The following SLC12A9 variants were observed in gnomAD, a reference collection of about 807,000 sequenced individuals.
The protein encoded by SLC12A9 is CCC-interacting protein 1.
SLC12A9 carries 55 observed loss-of-function variants against 66.0 expected under a neutral mutation model. That is an observed-to-expected ratio of 0.83 (90% CI 0.67 to 1.04). SLC12A9 has a LOEUF of 1.04. SLC12A9 is among the 50% of genes least tolerant of loss of function. The pLI is 0.00. For synonymous variants in SLC12A9, 577 were observed against 569.0 expected (o/e 1.01, Z -0.20); for missense variants, 1,061 against 1,241.9 (o/e 0.85, Z 2.19).
chr7:100,851,190 C>A (rs1460865967), upstream of SLC12A9, among the ~76,000 whole-genome samples: 12 of 151,960 alleles, frequency 7.9e-5, no homozygotes, highest in Non-Finnish European at 1.2e-4. Flanking sequence ...TCAAAATAGT[C>A]CTGAATAAAG....
chr7:100,847,880 G>A (rs560409020), upstream of SLC12A9, among the ~76,000 whole-genome samples: 7 of 152,104 alleles, frequency 4.6e-5, no homozygotes, highest in Admixed American at 6.5e-5. Context: ...GAGGTCAGGA[G>A]TTCAAGACCA....
At chr7:100,843,000 T>C (rs1006036995) in intron 1 of SLC12A9, among the ~76,000 whole-genome samples, 3 of 152,256 alleles carry the variant, frequency 2.0e-5, no homozygotes, top group Non-Finnish European at 4.4e-5. Context: ...GGAGGAAACT[T>C]AGCATTCCTT....
intron 7 of SLC12A9, chr7:100,859,573 T>C: frequency 2.6e-6 from 1 of 391,438 alleles, no homozygotes. Flanking sequence ...TAGCCAGGTG[T>C]GATGGCAAAT....
At chr7:100,855,915 TC>T in intron 4 of SLC12A9, 78 bp downstream of exon 4, 1 of 1,507,114 alleles carries the variant, frequency 6.6e-7, no homozygotes, top group East Asian at 2.3e-5. Flanking sequence ...GAGAAGGTCC[TC>T]TCCAGCAGAG....
At chr7:100,860,543 G>T (rs926037397) in intron 9 of SLC12A9, 6 of 401,092 alleles carry the variant, frequency 1.5e-5, no homozygotes, top group African/African-American at 1.0e-4. Context: ...CTGGCACTTT[G>T]TGGGGTGCCC....
At chr7:100,829,951 C>T (rs1813510740) in intron 1 of SLC12A9, among the ~76,000 whole-genome samples, 2 of 151,952 alleles carry the variant, frequency 1.3e-5, no homozygotes, top group Admixed American at 1.3e-4. Context: ...TCGCTTGAAC[C>T]CGGGAGGCAG....
At chr7:100,827,586 C>G (rs1813449659) in intron 1 of SLC12A9, 1 of 152,430 alleles carries the variant, frequency 6.6e-6, no homozygotes, top group Non-Finnish European at 1.5e-5. Context: ...GCTCTCCCAA[C>G]GCGGGGGCTC....
At position 100,855,706 on chromosome 7, in the gene SLC12A9, T is replaced by G; in HGVS notation, c.317T>G (p.Phe106Cys). The change falls in exon 4 of 14, where the codon TTC (phenylalanine) becomes TGC (cysteine). Residue 106 changes from phenylalanine (F) to cysteine (C), a missense_variant and splice_region_variant. Physicochemically the swap from Phe to Cys is radical, Grantham distance 205. Transcript: ENST00000354161. Reference sequence around the variant, plus strand: ...TGCTCACCCCTGCTTCCACTTTCAGTCATGATCAGCCGCACACTGGGGCCC... The same window carrying G: ...TGCTCACCCCTGCTTCCACTTTCAGGCATGATCAGCCGCACACTGGGGCCC... Reference protein sequence around the residue: ...NGAVQGGGAYFMISRTLGPEV... With the variant: ...NGAVQGGGAYCMISRTLGPEV... 6.2e-7 allele frequency: 1 copy of G among 1,614,072 alleles called. No individual in the cohort carries two copies. The highest frequency in any genetic ancestry group is 8.5e-7 in the Non-Finnish European group (1 of 1,179,962).
At chr7:100,827,691 G>C (rs1317036017) in intron 1 of SLC12A9, among the ~76,000 whole-genome samples, 3 of 152,144 alleles carry the variant, frequency 2.0e-5, no homozygotes, top group Non-Finnish European at 4.4e-5. Context: ...AGGTCGGGAA[G>C]TTGAGAGAAA....
chr7:100,850,508 GGGATTACA>G (rs1485565264), upstream of SLC12A9, among the ~76,000 whole-genome samples: 2 of 151,750 alleles, frequency 1.3e-5, no homozygotes, highest in African/African-American at 4.8e-5. Context: ...CCAAAGTACT[GGGATTACA>G]GGTGCAAGCT....
intron 1 of SLC12A9, among the ~76,000 whole-genome samples, chr7:100,834,484 G>C (rs1813605688): frequency 6.6e-6 from 1 of 152,200 alleles, no homozygotes; most frequent in African/African-American, 2.4e-5. Context: ...GGAAACCAGT[G>C]CAGCATCCAA....
chr7:100,842,958 A>T (rs1049674874), intron 1 of SLC12A9, among the ~76,000 whole-genome samples: 1 of 152,244 alleles, frequency 6.6e-6, no homozygotes, highest in Non-Finnish European at 1.5e-5. Flanking sequence ...CCGTCTCCCA[A>T]CACTAAGTTC....
Position 100,860,247 on chromosome 7 carries a change from T to A in SLC12A9, c.1218+15T>A, listed in dbSNP as rs375971021. The A allele has an allele frequency of 1.0e-4, 168 of 1,611,864 alleles. No individual in the cohort carries two copies. Among genetic ancestry groups the A allele is most frequent in the Middle Eastern group, 1.6e-4 (1 of 6,070 alleles). On this transcript the variant is annotated intron_variant, in intron 9 of 13. Coordinates refer to ENST00000354161, the MANE Select transcript of SLC12A9 (RefSeq NM_020246.4). ...GCCTGGTGCAGGTGAGCCTTCTTCT[T>A]CAAGGGGCCCTTTCCCTCACCCCAC...
chr7:100,834,565 C>T (rs1044205313), intron 1 of SLC12A9, among the ~76,000 whole-genome samples: 25 of 151,846 alleles, frequency 1.6e-4, no homozygotes, highest in Non-Finnish European at 2.2e-4. Flanking sequence ...GGATGGTGCA[C>T]GCATGTATGG....
intron 13 of SLC12A9, chr7:100,865,384 G>A (rs1315301850): frequency 6.5e-7 from 1 of 1,536,164 alleles, no homozygotes; most frequent in East Asian, 2.4e-5. Flanking sequence ...CCCCTGCCGT[G>A]AAACAGATGC....
In SLC12A9 at chr7:100,861,422, C is replaced by G; in HGVS notation, c.1374C>G (p.Thr458=). 1 of 1,613,750 alleles carries G rather than the reference C, an allele frequency of 6.2e-7. No individual in the cohort carries two copies. The highest frequency in any genetic ancestry group is 1.1e-5 in the South Asian group (1 of 91,088). The change falls in exon 11 of 14, where the codon ACC becomes ACG. Residue 458 remains threonine (T), a synonymous_variant. Coordinates refer to ENST00000354161, the MANE Select transcript of SLC12A9 (RefSeq NM_020246.4). This position sits in a 1 kb window ranked among gnomAD's most constrained non-coding sequence, Gnocchi z 5.3. ...RPTFSLFSWH[T]CLLGVASCLL... is the part of the protein sequence containing the mutation. ...CCTTCAGCCTGTTCTCCTGGCACAC[C>G]TGCCTGCTGGGGGTGGCCTCCTGCC... is the stretch of plus-strand genomic sequence containing the variant.
At chr7:100,849,904 G>A (rs1000070811), upstream of SLC12A9, among the ~76,000 whole-genome samples, 7 of 148,038 alleles carry the variant, frequency 4.7e-5, no homozygotes, top group East Asian at 2.0e-4. Flanking sequence ...TCAGAGTCTC[G>A]CTCTGTCACC....
chr7:100,857,236 G>T (rs1448794468), intron 5 of SLC12A9, 60 bp downstream of exon 5: 1 of 1,548,910 alleles, frequency 6.5e-7, no homozygotes, highest in Non-Finnish European at 8.8e-7. Context: ...ACGTCGGGCC[G>T]GGCCCGTAAA....
chr7:100,836,658 A>T (rs1238566565), intron 1 of SLC12A9, among the ~76,000 whole-genome samples: 1 of 150,634 alleles, frequency 6.6e-6, no homozygotes, highest in African/African-American at 2.4e-5. Flanking sequence ...CCCTCGGCTC[A>T]CTCCTGGGCC....
Sources: gnomAD v4.1 joint callset for allele counts (sites outside exome capture counted in the v4.1 genomes callset) on GRCh38, gnomAD v4.1.1 for gene constraint, Gnocchi (gnomAD v3.1) non-coding constraint, MANE v1.5 for transcripts, NCBI Gene and HGNC (gene_info 2026-07-23, HGNC 2026-07-21) for gene names.